Variants in ZNF506 observed in about 807,000 individuals in gnomAD.
ZNF506 encodes the protein zinc finger protein 506.
Under a neutral mutation model 11.6 loss-of-function variants are expected in ZNF506, and 10 were observed. The ratio of observed to expected loss-of-function variants is 0.86; its 90% CI spans 0.53 to 1.46. The LOEUF (loss-of-function observed/expected upper bound fraction) is 1.46. Among genes scored for constraint, ZNF506 ranks in the 40% most tolerant of loss-of-function variants. The pLI is 0.00. For missense variants in ZNF506, 425 were observed against 521.2 expected (o/e 0.82, Z 1.80); for synonymous variants, 156 against 173.3 (o/e 0.90, Z 0.78).
Position 19,795,515 on chromosome 19 carries a change from T to C in ZNF506, c.372A>G (p.Pro124=). 6.3e-7 allele frequency: 1 copy of C among 1,599,900 alleles called. No homozygotes were observed. The highest frequency in any genetic ancestry group is 8.5e-7 in the Non-Finnish European group (1 of 1,175,016). The change falls in exon 4 of 4, where the codon CCA becomes CCG. Residue 124 remains proline (P), a synonymous_variant. Transcript: ENST00000540806. ...KKGCESVDEC[P]VHKRGYNGLK... ...GTCCATTATAACCTCTTTTGTGCAC[T>C]GGACACTCATCTACACTTTCACAGC...
chr19:19,810,635 G>C (rs2062876461), intron 1 of ZNF506, among the ~76,000 whole-genome samples: 1 of 151,836 alleles, frequency 6.6e-6, no homozygotes, highest in Non-Finnish European at 1.5e-5. Context: ...ATGTATTATA[G>C]AGATAATTTT....
At chr19:19,799,445 G>T in intron 3 of ZNF506, 2 of 675,952 alleles carry the variant, frequency 3.0e-6, no homozygotes, top group Admixed American at 2.3e-5. Flanking sequence ...CCTCTTTATA[G>T]ACCACCTGTT....
At chr19:19,807,229 T>C (rs1008381828) in intron 1 of ZNF506, among the ~76,000 whole-genome samples, 161 bp from the exon 2 acceptor site, 3 of 152,206 alleles carry the variant, frequency 2.0e-5, no homozygotes, top group Admixed American at 6.5e-5. Context: ...TCTAATGTAT[T>C]CTCTAACTCT....
intron 1 of ZNF506, among the ~76,000 whole-genome samples, chr19:19,808,710 G>A (rs1191146176): frequency 1.3e-5 from 2 of 151,260 alleles, no homozygotes; most frequent in Admixed American, 1.3e-4. Flanking sequence ...GGGCGTGGTG[G>A]CGGGCACCTG....
At position 19,793,596 on chromosome 19, in the gene ZNF506, C is replaced by A. The variant is rs1484142209; in HGVS notation, c.*956G>T. On this transcript the variant is annotated 3_prime_UTR_variant, in exon 4 of 4. Coordinates refer to ENST00000540806, the MANE Select transcript of ZNF506 (RefSeq NM_001099269.3). The stretch of plus-strand genomic sequence containing the variant: ...AGCTGATTTCAGAATAAATATTCTT[C>A]TTTAAAGGCTTATATTTTCTGAAAG... Among the ~76,000 whole-genome samples, 7 of 152,144 alleles carry A rather than the reference C, an allele frequency of 4.6e-5. No homozygotes were observed. Among genetic ancestry groups the A allele is most frequent in the Admixed American group, 1.3e-4 (2 of 15,268 alleles).
intron 1 of ZNF506, among the ~76,000 whole-genome samples, chr19:19,819,969 C>T (rs529938971): frequency 1.3e-5 from 2 of 152,004 alleles, no homozygotes; most frequent in Non-Finnish European, 2.9e-5. Context: ...TGGTGGCACG[C>T]GCCTGTACTC....
At chr19:19,812,686 T>TA (rs1172387015) in intron 1 of ZNF506, among the ~76,000 whole-genome samples, 1 of 152,222 alleles carries the variant, frequency 6.6e-6, no homozygotes, top group East Asian at 1.9e-4. Flanking sequence ...GGCCCTTTTT[T>TA]ATCTGCAGAT....
intron 1 of ZNF506, among the ~76,000 whole-genome samples, chr19:19,816,439 G>A (rs2062932116): frequency 6.6e-6 from 1 of 152,048 alleles, no homozygotes; most frequent in South Asian, 2.1e-4. Flanking sequence ...CTCACTGCAA[G>A]CTCCATCTCC....
At chr19:19,821,518 C>T (rs976193074) in intron 1 of ZNF506, 83 bp downstream of exon 1, 1 of 1,585,362 alleles carries the variant, frequency 6.3e-7, no homozygotes, top group Admixed American at 1.7e-5. Flanking sequence ...CTGAGTTCTG[C>T]CACTGCCACA....
intron 3 of ZNF506, chr19:19,798,314 A>C (rs2062759527): frequency 6.6e-6 from 1 of 152,184 alleles, no homozygotes; most frequent in Non-Finnish European, 1.5e-5. Context: ...ATATTGTTGG[A>C]TCTTTTAGAG....
chr19:19,816,877 C>T (rs959887942), intron 1 of ZNF506, among the ~76,000 whole-genome samples: 18 of 129,646 alleles, frequency 1.4e-4, no homozygotes, highest in African/African-American at 5.4e-4. Context: ...TGGAGTGCAA[C>T]GGCGCCGTCT....
chr19:19,798,476 G>A (rs1240187691), intron 3 of ZNF506: 11 of 146,502 alleles, frequency 7.5e-5, no homozygotes, highest in African/African-American at 2.9e-4. Context: ...GTGAAACCCC[G>A]TCTCTATTAA....
In ZNF506 at chr19:19,792,845, A is replaced by C. The variant is rs566473114; in HGVS notation, c.*1707T>G. 6.6e-6 allele frequency among the ~76,000 whole-genome samples: 1 copy of C among 152,202 alleles called. No homozygotes were observed. Among genetic ancestry groups the C allele is most frequent in the African/African-American group, 2.4e-5 (1 of 41,444 alleles). On this transcript the variant is annotated 3_prime_UTR_variant, in exon 4 of 4. Transcript: ENST00000540806. ...AAGCAAAACATCAACATTAAGTCAT[A>C]GGCTAGGATTATACAAATGAGAACC...
chr19:19,798,852 C>G (rs2062767771), intron 3 of ZNF506: 1 of 151,848 alleles, frequency 6.6e-6, no homozygotes, highest in Non-Finnish European at 1.5e-5. Context: ...ATATAATTAT[C>G]TTTCCAATCA....
At chr19:19,802,332 C>T (rs1360270578) in intron 3 of ZNF506, among the ~76,000 whole-genome samples, 2 of 151,982 alleles carry the variant, frequency 1.3e-5, no homozygotes, top group Non-Finnish European at 2.9e-5. Context: ...AGAATATATG[C>T]AGTGTAATTA....
intron 1 of ZNF506, among the ~76,000 whole-genome samples, chr19:19,811,510 T>C (rs1195402641): frequency 6.6e-6 from 1 of 151,928 alleles, no homozygotes; most frequent in South Asian, 2.1e-4. Context: ...GAAAAAGAAA[T>C]AGAAATTATA....
At chr19:19,806,392 G>C (rs2062836105) in intron 2 of ZNF506, 1 of 205,992 alleles carries the variant, frequency 4.9e-6, no homozygotes, top group Non-Finnish European at 9.7e-6. Context: ...GAGTAGCTGG[G>C]ATTACAGGCA....
intron 1 of ZNF506, among the ~76,000 whole-genome samples, chr19:19,816,590 C>T (rs2062933977): frequency 6.6e-6 from 1 of 152,080 alleles, no homozygotes; most frequent in Non-Finnish European, 1.5e-5. Context: ...GATCTCCTGA[C>T]CTCGTGATTC....
chr19:19,795,419 T>C lies in ZNF506; in HGVS notation c.468A>G (p.Lys156=), dbSNP rs1375834477. The C allele has an allele frequency of 6.3e-7, 1 of 1,594,266 alleles. No individual in the cohort carries two copies. The highest frequency in any genetic ancestry group is 1.4e-5 in the African/African-American group (1 of 73,550). The part of the protein sequence containing the change: ...QCDEYVKFLH[K]FSNSNKHKIR... ...TCTTATGTTTGTTTGAATTTGAAAA[T>C]TTATGCAAGAATTTCACATATTCAT... Residue 156 remains lysine (K), a synonymous_variant, in exon 4 of 4, where the codon AAA becomes AAG. Coordinates refer to ENST00000540806, the MANE Select transcript of ZNF506 (RefSeq NM_001099269.3).
Sources: allele counts gnomAD v4.1 joint callset (sites outside exome capture counted in the v4.1 genomes callset), GRCh38; gene constraint gnomAD v4.1.1; transcripts MANE v1.5; gene names NCBI Gene and HGNC (gene_info 2026-07-23, HGNC 2026-07-21).